The following KLF12 variants were observed in gnomAD, a reference collection of about 807,000 sequenced individuals.
KLF12 encodes Krueppel-like factor 12.
A neutral mutation model predicts 37.8 loss-of-function variants in KLF12; 9 were observed. That is an observed-to-expected ratio of 0.24 (90% CI 0.14 to 0.42). KLF12 has a LOEUF of 0.42. Among genes scored for constraint, KLF12 ranks in the 10% least tolerant of loss-of-function variants. The pLI is 1.00. For synonymous variants in KLF12, 208 were observed against 202.1 expected (o/e 1.03, Z -0.25); for missense variants, 411 against 516.0 (o/e 0.80, Z 1.97).
At chr13:74,116,832 A>C (rs1877332130) in intron 1 of KLF12, among the ~76,000 whole-genome samples, 1 of 152,196 alleles carries the variant, frequency 6.6e-6, no homozygotes. Flanking sequence ...TGGCAATATA[A>C]TGTATCCATA....
chr13:74,027,242 A>G (rs1459543191), intron 1 of KLF12, among the ~76,000 whole-genome samples: 1 of 152,146 alleles, frequency 6.6e-6, no homozygotes, highest in East Asian at 1.9e-4. Flanking sequence ...GAGAACTCAA[A>G]GTGTAAAGCT....
intron 6 of KLF12, among the ~76,000 whole-genome samples, chr13:73,762,184 C>T (rs1483843914): frequency 6.6e-6 from 1 of 152,172 alleles, no homozygotes. Flanking sequence ...GTCGTTGGGC[C>T]TCTTAGGCCC....
chr13:73,952,925 G>A (rs1890696086), intron 2 of KLF12, among the ~76,000 whole-genome samples: 1 of 152,148 alleles, frequency 6.6e-6, no homozygotes, highest in South Asian at 2.1e-4. Flanking sequence ...CAGTGGCAGT[G>A]GGAAGAAAGA....
intron 1 of KLF12, among the ~76,000 whole-genome samples, chr13:74,100,910 T>C (rs1876303851): frequency 6.6e-6 from 1 of 152,142 alleles, no homozygotes; most frequent in South Asian, 2.1e-4. Context: ...AGTTTCCTCA[T>C]CTGAGAAAAG....
rs976128914 is a variant in KLF12 at position 73,695,176 on chromosome 13, G to A, written c.*314C>T. The A allele has an allele frequency of 7.0e-6, 2 of 286,146 alleles. No individual in the cohort carries two copies. Among genetic ancestry groups the A allele is most frequent in the Non-Finnish European group, 1.3e-5 (2 of 151,888 alleles). 17.7% of individuals were successfully genotyped at this position (286,146 alleles called of 1,614,324 possible). On this transcript the variant is annotated 3_prime_UTR_variant, in exon 8 of 8. Coordinates refer to ENST00000377669, the MANE Select transcript of KLF12 (RefSeq NM_007249.5). Reference sequence around the variant, plus strand: ...ACCTTTAAGGTATCAATAACAAAATGTCTGACAGCTCAGAAAATGTACAAG... The same window carrying A: ...ACCTTTAAGGTATCAATAACAAAATATCTGACAGCTCAGAAAATGTACAAG...
At chr13:74,090,300 A>C (rs1294342047) in intron 1 of KLF12, among the ~76,000 whole-genome samples, 3 of 152,170 alleles carry the variant, frequency 2.0e-5, no homozygotes, top group Admixed American at 1.3e-4. Context: ...TCTGAATGAA[A>C]GAAAAAACAT....
intron 3 of KLF12, among the ~76,000 whole-genome samples, chr13:73,884,301 T>C (rs1887116346): frequency 3.9e-5 from 6 of 152,192 alleles, no homozygotes; most frequent in Admixed American, 2.0e-4. Flanking sequence ...ATCTTATTCA[T>C]CTTTAGGCTA....
At chr13:73,860,027 A>AT (rs1375309724) in intron 3 of KLF12, among the ~76,000 whole-genome samples, 2 of 152,196 alleles carry the variant, frequency 1.3e-5, no homozygotes, top group Non-Finnish European at 2.9e-5. Flanking sequence ...ACTTTTGCAA[A>AT]TAGGACAATA....
intron 3 of KLF12, among the ~76,000 whole-genome samples, chr13:73,851,187 C>T (rs1256126090): frequency 6.6e-6 from 1 of 152,166 alleles, no homozygotes; most frequent in Non-Finnish European, 1.5e-5. Flanking sequence ...CCGGTTAGAA[C>T]TAAAAATTCC....
At chr13:74,128,099 G>A (rs1413640705) in intron 1 of KLF12, among the ~76,000 whole-genome samples, 2 of 152,038 alleles carry the variant, frequency 1.3e-5, no homozygotes, top group African/African-American at 4.8e-5. Flanking sequence ...GTAATTTCAT[G>A]TGTTTTTCTT....
rs1017512790 is a variant in KLF12, at chr13:73,688,740, T to C, written c.*6750A>G. The C allele has an allele frequency of 6.6e-6, 1 of 152,216 alleles. No homozygotes were observed. Among genetic ancestry groups the C allele is most frequent in the African/African-American group, 2.4e-5 (1 of 41,450 alleles). 9.4% of individuals were successfully genotyped at this position (152,216 alleles called of 1,614,324 possible). A position where few individuals can be genotyped will look rare whatever the true frequency, so the allele number is the denominator to read the frequency against. On this transcript the variant is annotated 3_prime_UTR_variant, in exon 8 of 8. Transcript: ENST00000377669. ...CATTGTTAAGTCATGTGTTATATCA[T>C]GTCCCGATATTTCACTTGAAAAATA...
chr13:73,813,107 A>AAC (rs1416883607), intron 5 of KLF12, 45 bp downstream of exon 5: 1 of 1,603,840 alleles, frequency 6.2e-7, no homozygotes, highest in South Asian at 1.1e-5. Context: ...TTATCCATTG[A>AAC]ACACCTTGGC....
intron 3 of KLF12, among the ~76,000 whole-genome samples, chr13:73,873,967 G>C (rs1335126621): frequency 6.6e-6 from 1 of 152,070 alleles, no homozygotes; most frequent in Non-Finnish European, 1.5e-5. Flanking sequence ...CATTAAAAAT[G>C]CAAATGAATA....
chr13:73,770,754 C>A (rs751098829), intron 5 of KLF12, among the ~76,000 whole-genome samples: 1 of 152,030 alleles, frequency 6.6e-6, no homozygotes, highest in Non-Finnish European at 1.5e-5. Flanking sequence ...AACTCCTGAA[C>A]TCAAATGATC....
chr13:74,287,324 G>A, the KLF12 span, among the ~76,000 whole-genome samples: 5 of 133,124 alleles, frequency 3.8e-5, no homozygotes, highest in African/African-American at 1.5e-4. Flanking sequence ...CAGGCCCCAA[G>A]AAACAAACAG....
intron 3 of KLF12, among the ~76,000 whole-genome samples, chr13:73,890,201 G>A (rs1013479445): frequency 2.6e-5 from 4 of 151,958 alleles, no homozygotes; most frequent in African/African-American, 9.7e-5. Context: ...CTTATTTTCT[G>A]CCTGACATAA....
chr13:73,792,473 T>C (rs1346199335), intron 5 of KLF12, among the ~76,000 whole-genome samples: 3 of 152,178 alleles, frequency 2.0e-5, no homozygotes, highest in Non-Finnish European at 4.4e-5. Context: ...AATTCACAGT[T>C]AAAAAGTAAG....
chr13:73,884,679 T>C (rs527724044), intron 3 of KLF12, among the ~76,000 whole-genome samples: 1 of 152,368 alleles, frequency 6.6e-6, no homozygotes, highest in South Asian at 2.1e-4. Flanking sequence ...TACGCCCATG[T>C]GGCTACTGAG....
At chr13:73,902,030 T>C (rs1207552016) in intron 3 of KLF12, among the ~76,000 whole-genome samples, 1 of 152,196 alleles carries the variant, frequency 6.6e-6, no homozygotes, top group Non-Finnish European at 1.5e-5. Context: ...AGGTACAAAA[T>C]AGAACTGATT....
Sources: allele counts gnomAD v4.1 joint callset (sites outside exome capture counted in the v4.1 genomes callset), GRCh38; gene constraint gnomAD v4.1.1; transcripts MANE v1.5; gene names NCBI Gene and HGNC (gene_info 2026-07-23, HGNC 2026-07-21).